COP1: variants seen among roughly 807,000 people sequenced by gnomAD.
The protein encoded by COP1 is E3 ubiquitin-protein ligase COP1.
In COP1, 24 loss-of-function variants were observed where a neutral mutation model predicts 101.3. The observed-to-expected ratio is 0.24, with a 90% CI of 0.17 to 0.33. The LOEUF is 0.33. COP1 is among the 10% of genes least tolerant of loss of function. COP1 has a pLI of 1.00. For synonymous variants in COP1, 347 were observed against 341.9 expected (o/e 1.01, Z -0.17); for missense variants, 663 against 906.2 (o/e 0.73, Z 3.45).
chr1:176,121,150 C>T (rs922400794), intron 8 of COP1, among the ~76,000 whole-genome samples: 1 of 151,920 alleles, frequency 6.6e-6, no homozygotes, highest in Non-Finnish European at 1.5e-5. Flanking sequence ...CAGTACTCTA[C>T]ATATAGTTAC....
At chr1:176,120,066 C>T (rs1222313055) in intron 8 of COP1, among the ~76,000 whole-genome samples, 1 of 152,132 alleles carries the variant, frequency 6.6e-6, no homozygotes, top group Non-Finnish European at 1.5e-5. Flanking sequence ...TTAGCCTCCA[C>T]TTTGTAGACA....
chr1:176,082,093 A>G (rs768535724), intron 10 of COP1, among the ~76,000 whole-genome samples: 4 of 152,036 alleles, frequency 2.6e-5, no homozygotes, highest in African/African-American at 7.2e-5. Context: ...CCAGTCTATT[A>G]ATAGAAGCAG....
chr1:176,049,968 C>CTT (rs1672253672), intron 11 of COP1, among the ~76,000 whole-genome samples: 1 of 152,144 alleles, frequency 6.6e-6, no homozygotes, highest in African/African-American at 2.4e-5. Context: ...CAAAAACAAA[C>CTT]TTTAAGTCTT....
intron 5 of COP1, among the ~76,000 whole-genome samples, chr1:176,150,729 T>A (rs903226891): frequency 6.6e-6 from 1 of 152,222 alleles, no homozygotes; most frequent in Non-Finnish European, 1.5e-5. Context: ...TTCATTTCAA[T>A]CTATTAACTA....
At position 176,206,313 on chromosome 1, in the gene COP1, A is replaced by C. The variant is rs1279827368; in HGVS notation, c.407+259T>G. On this transcript the variant is annotated intron_variant, in intron 1 of 19. Transcript: ENST00000367669. ...CACCTCTTCCCTCGTCATTCGTTAA[A>C]CTCCCTTCACTTCCTCCTCAGCAAC... 5 of 486,798 alleles carry C rather than the reference A, an allele frequency of 1.0e-5. No individual in the cohort carries two copies. In the East Asian group the frequency reaches 1.1e-4, roughly 11 times the overall value. 30.2% of individuals were successfully genotyped at this position (486,798 alleles called of 1,614,324 possible). A position where few individuals can be genotyped will look rare whatever the true frequency, so the allele number is the denominator to read the frequency against.
At position 175,947,340 on chromosome 1, in the gene COP1, T is replaced by C. The variant is rs1335417440; in HGVS notation, c.2134-101A>G. 2.2e-5 allele frequency: 17 copies of C among 779,394 alleles called. No individual in the cohort carries two copies. In the Admixed American group the frequency reaches 3.6e-4, roughly 17 times the overall value. 48.3% of individuals were successfully genotyped at this position (779,394 alleles called of 1,614,324 possible). A position where few individuals can be genotyped will look rare whatever the true frequency, so the allele number is the denominator to read the frequency against. On this transcript the variant is annotated intron_variant, in intron 18 of 19. Coordinates refer to ENST00000367669, the MANE Select transcript of COP1 (RefSeq NM_022457.7). ...ATCCTTCTTTCTTCACTTCAATTCC[T>C]AAGACAATTGAATCTAATATGAAGA...
At chr1:175,981,129 C>T (rs1380200471) in intron 18 of COP1, among the ~76,000 whole-genome samples, 1 of 152,102 alleles carries the variant, frequency 6.6e-6, no homozygotes, top group African/African-American at 2.4e-5. Flanking sequence ...TTTCTTTCTG[C>T]CCTAAGCATA....
At chr1:175,993,518 A>G (rs1659232926) in intron 15 of COP1, among the ~76,000 whole-genome samples, 1 of 152,192 alleles carries the variant, frequency 6.6e-6, no homozygotes, top group Non-Finnish European at 1.5e-5. Flanking sequence ...CGAATGTATA[A>G]CTAGAATAAC....
chr1:176,062,234 C>T (rs1674994886), intron 11 of COP1, among the ~76,000 whole-genome samples: 1 of 152,104 alleles, frequency 6.6e-6, no homozygotes, highest in South Asian at 2.1e-4. Flanking sequence ...GATCTCCTGA[C>T]CTTGTGATCT....
intron 11 of COP1, among the ~76,000 whole-genome samples, chr1:176,068,973 G>T (rs1676496436): frequency 6.6e-6 from 1 of 152,082 alleles, no homozygotes; most frequent in Non-Finnish European, 1.5e-5. Flanking sequence ...GATCAATGGG[G>T]GCTGGAAGTT....
At chr1:176,122,591 G>A (rs1687318878) in intron 8 of COP1, among the ~76,000 whole-genome samples, 2 of 152,134 alleles carry the variant, frequency 1.3e-5, no homozygotes, top group Non-Finnish European at 2.9e-5. Flanking sequence ...CGCTATCACA[G>A]TGTTTCAGAA....
At chr1:176,098,959 T>C (rs991276644) in intron 9 of COP1, among the ~76,000 whole-genome samples, 1 of 152,224 alleles carries the variant, frequency 6.6e-6, no homozygotes, top group African/African-American at 2.4e-5. Flanking sequence ...CTTTAGGTTA[T>C]ATTTTGGTGA....
chr1:176,102,136 T>C (rs920005740), intron 9 of COP1, among the ~76,000 whole-genome samples: 3 of 152,114 alleles, frequency 2.0e-5, no homozygotes, highest in Non-Finnish European at 4.4e-5. Context: ...TCAGGAAGTT[T>C]GTGCCATTTG....
chr1:175,984,276 G>A (rs564288114), intron 18 of COP1, among the ~76,000 whole-genome samples: 28 of 152,254 alleles, frequency 1.8e-4, no homozygotes, highest in African/African-American at 4.3e-4. Context: ...TGTCCCTGCC[G>A]CTCCAGCCAT....
At chr1:176,137,546 A>T (rs1334987507) in intron 6 of COP1, among the ~76,000 whole-genome samples, 1 of 152,170 alleles carries the variant, frequency 6.6e-6, no homozygotes, top group African/African-American at 2.4e-5. Flanking sequence ...AACAACTAAT[A>T]CTTATATATT....
chr1:176,111,573 G>A (rs1322773834), intron 9 of COP1, among the ~76,000 whole-genome samples: 8 of 152,122 alleles, frequency 5.3e-5, no homozygotes, highest in East Asian at 1.9e-4. Context: ...GATTACAGGC[G>A]TGAGCCACCA....
At chr1:176,110,412 C>A (rs1249070692) in intron 9 of COP1, among the ~76,000 whole-genome samples, 1 of 152,188 alleles carries the variant, frequency 6.6e-6, no homozygotes, top group Non-Finnish European at 1.5e-5. Flanking sequence ...GTAAGGCATT[C>A]TCCACCTCAG....
At chr1:176,113,355 T>C (rs1219013617) in intron 9 of COP1, among the ~76,000 whole-genome samples, 1 of 152,206 alleles carries the variant, frequency 6.6e-6, no homozygotes, top group Non-Finnish European at 1.5e-5. Context: ...TTTGAAAATG[T>C]CTATTTAGAG....
intron 6 of COP1, among the ~76,000 whole-genome samples, chr1:176,137,482 G>A (rs192754073): frequency 2.6e-5 from 4 of 152,060 alleles, no homozygotes; most frequent in Non-Finnish European, 4.4e-5. Context: ...GCCAGGATGC[G>A]GTTGTCTTAC....
Sources: gnomAD v4.1 joint callset for allele counts (sites outside exome capture counted in the v4.1 genomes callset) on GRCh38, gnomAD v4.1.1 for gene constraint, MANE v1.5 for transcripts, NCBI Gene and HGNC (gene_info 2026-07-23, HGNC 2026-07-21) for gene names.